PIK3C2G: variants seen among roughly 807,000 people sequenced by gnomAD.
The protein encoded by PIK3C2G is phosphatidylinositol 3-kinase C2 domain-containing subunit gamma.
Under a neutral mutation model 181.1 loss-of-function variants are expected in PIK3C2G, and 168 were observed. That is an observed-to-expected ratio of 0.93 (90% CI 0.82 to 1.05). PIK3C2G has a LOEUF of 1.05. PIK3C2G is among the 50% of genes least tolerant of loss of function. PIK3C2G has a pLI of 0.00. For missense variants in PIK3C2G, 1,869 were observed against 1,732.8 expected (o/e 1.08, Z -1.40); for synonymous variants, 573 against 592.2 (o/e 0.97, Z 0.47).
the PIK3C2G span, among the ~76,000 whole-genome samples, chr12:18,703,723 C>G: frequency 1.3e-5 from 2 of 152,256 alleles, no homozygotes; most frequent in South Asian, 4.1e-4. Context: ...CTGTATAAAA[C>G]AATTTTCACT....
At chr12:18,587,985 G>A (rs148935142) in intron 29 of PIK3C2G, among the ~76,000 whole-genome samples, 2 of 151,744 alleles carry the variant, frequency 1.3e-5, no homozygotes, top group African/African-American at 2.4e-5. Flanking sequence ...TGACAAACCT[G>A]ACAAAAGCAA....
At position 18,538,141 on chromosome 12, in the gene PIK3C2G, G is replaced by A; in HGVS notation, c.3324-15G>A. 6.2e-7 allele frequency: 1 copy of A among 1,602,822 alleles called. No individual in the cohort carries two copies. The highest frequency in any genetic ancestry group is 8.5e-7 in the Non-Finnish European group (1 of 1,175,050). On this transcript the variant is annotated splice_polypyrimidine_tract_variant and intron_variant, in intron 24 of 32. Coordinates refer to ENST00000538779, the MANE Select transcript of PIK3C2G (RefSeq NM_001288772.2). Reference sequence around the variant, plus strand: ...TCTCTTCCTTCGAATGATTGCTACTGTTTTTGGTTTACAGGGACCGAGCTC... The same window carrying A: ...TCTCTTCCTTCGAATGATTGCTACTATTTTTGGTTTACAGGGACCGAGCTC...
At chr12:18,563,712 C>T (rs1945466304) in intron 28 of PIK3C2G, among the ~76,000 whole-genome samples, 1 of 152,082 alleles carries the variant, frequency 6.6e-6, no homozygotes, top group African/African-American at 2.4e-5. Flanking sequence ...CTTTTTACTT[C>T]CAGTCATTGA....
chr12:18,712,959 C>T, the PIK3C2G span: 1 of 1,613,878 alleles, frequency 6.2e-7, no homozygotes, highest in Non-Finnish European at 8.5e-7. Flanking sequence ...AGTCAATCTC[C>T]AAACAACGGC....
intron 11 of PIK3C2G, among the ~76,000 whole-genome samples, chr12:18,361,034 G>T (rs1196053135): frequency 6.6e-6 from 1 of 151,948 alleles, no homozygotes; most frequent in East Asian, 1.9e-4. Flanking sequence ...CGGCTTGACG[G>T]TGCCCATTAT....
chr12:18,342,774 CA>C (rs1018895398), intron 9 of PIK3C2G, among the ~76,000 whole-genome samples: 1 of 150,718 alleles, frequency 6.6e-6, no homozygotes, highest in African/African-American at 2.4e-5. Context: ...AAATGAAAAC[CA>C]AAAAAATAGG....
chr12:18,699,698 A>C, the PIK3C2G span: 2 of 1,275,434 alleles, frequency 1.6e-6, no homozygotes, highest in Admixed American at 3.4e-5. Flanking sequence ...TTTTATGAGA[A>C]TATACATTTT....
At chr12:18,661,224 G>T in the PIK3C2G span, among the ~76,000 whole-genome samples, 8 of 152,050 alleles carry the variant, frequency 5.3e-5, no homozygotes, top group Admixed American at 5.2e-4. Context: ...AAGAGGCAAA[G>T]GGATTATTTG....
chr12:18,410,762 A>G (rs1944824576), intron 16 of PIK3C2G, among the ~76,000 whole-genome samples: 1 of 152,296 alleles, frequency 6.6e-6, no homozygotes. Context: ...TTTTCAGTGC[A>G]TCATGTTACT....
At chr12:18,670,565 G>C in the PIK3C2G span, among the ~76,000 whole-genome samples, 1 of 152,034 alleles carries the variant, frequency 6.6e-6, no homozygotes, top group Non-Finnish European at 1.5e-5. Context: ...TTGATATGAG[G>C]GTTAACTTCC....
chr12:18,391,827 G>T (rs933984644), intron 15 of PIK3C2G, among the ~76,000 whole-genome samples: 2 of 151,948 alleles, frequency 1.3e-5, no homozygotes, highest in Non-Finnish European at 2.9e-5. Context: ...CAAGCCAAGG[G>T]CATCAAACTG....
intron 18 of PIK3C2G, among the ~76,000 whole-genome samples, chr12:18,435,643 T>C (rs1164721253): frequency 1.3e-5 from 2 of 152,098 alleles, no homozygotes; most frequent in Non-Finnish European, 2.9e-5. Context: ...TCCCACCTCA[T>C]CTTGTAAGCC....
chr12:18,681,629 T>C, the PIK3C2G span, among the ~76,000 whole-genome samples: 1 of 152,044 alleles, frequency 6.6e-6, no homozygotes, highest in African/African-American at 2.4e-5. Flanking sequence ...CCAAAAATGT[T>C]TCAAGACATC....
intron 18 of PIK3C2G, among the ~76,000 whole-genome samples, chr12:18,462,633 T>TTTG (rs1334015564): frequency 2.0e-5 from 3 of 152,108 alleles, no homozygotes; most frequent in Non-Finnish European, 4.4e-5. Flanking sequence ...CAACTGCATT[T>TTTG]TTGTTGTTGT....
the PIK3C2G span, among the ~76,000 whole-genome samples, chr12:18,675,111 T>C: frequency 1.3e-5 from 2 of 152,322 alleles, no homozygotes; most frequent in South Asian, 4.1e-4. Context: ...ATAATGTGGC[T>C]AGAGAACAAA....
intron 5 of PIK3C2G, among the ~76,000 whole-genome samples, chr12:18,301,523 A>T (rs1950174595): frequency 6.6e-6 from 1 of 151,860 alleles, no homozygotes; most frequent in Non-Finnish European, 1.5e-5. Context: ...TTCTTATTTC[A>T]TTCACTGAAT....
chr12:18,431,199 T>C (rs747429873), intron 18 of PIK3C2G, among the ~76,000 whole-genome samples: 3 of 152,208 alleles, frequency 2.0e-5, no homozygotes, highest in Admixed American at 6.5e-5. Flanking sequence ...TATGAAAATA[T>C]ATATATTCTG....
intron 2 of PIK3C2G, 84 bp downstream of exon 2, chr12:18,282,843 A>C: frequency 1.1e-6 from 1 of 943,108 alleles, no homozygotes; most frequent in Non-Finnish European, 1.5e-6. Context: ...TAATGAAGAT[A>C]ACTAAACTTA....
intron 18 of PIK3C2G, among the ~76,000 whole-genome samples, chr12:18,478,988 T>C (rs545614224): frequency 7.0e-6 from 1 of 143,730 alleles, no homozygotes; most frequent in African/African-American, 2.6e-5. Context: ...AAAAAAAAAA[T>C]ATATATATAT....
Sources: allele counts gnomAD v4.1 joint callset (sites outside exome capture counted in the v4.1 genomes callset), GRCh38; gene constraint gnomAD v4.1.1; transcripts MANE v1.5; gene names NCBI Gene and HGNC (gene_info 2026-07-23, HGNC 2026-07-21).